The following SAXO1 variants were observed in gnomAD, a reference collection of about 807,000 sequenced individuals.
SAXO1 encodes the protein stabilizer of axonemal microtubules 1, also known as 4930500O09Rik.
A neutral mutation model predicts 17.5 loss-of-function variants in SAXO1; 21 were observed. The observed-to-expected ratio is 1.20, with a 90% CI of 0.85 to 1.72. The LOEUF (loss-of-function observed/expected upper bound fraction) is 1.72, where lower values mean the gene tolerates loss of function less well. Among genes scored for constraint, SAXO1 ranks in the 40% most tolerant of loss-of-function variants. The probability of loss-of-function intolerance (pLI) is 0.00; values close to 1 mark genes in which losing one functional copy is unlikely to be tolerated. For missense variants in SAXO1, 843 were observed against 596.0 expected (o/e 1.41, Z -4.32); for synonymous variants, 274 against 216.5 (o/e 1.27, Z -2.33).
intron 1 of SAXO1, among the ~76,000 whole-genome samples, chr9:19,048,041 T>C (rs116019603): frequency 0.011 from 1,612 of 152,338 alleles, 27 homozygotes; most frequent in African/African-American, 0.037. Flanking sequence ...CACTCTATGA[T>C]TTCCATAAAC....
intron 1 of SAXO1, among the ~76,000 whole-genome samples, chr9:18,954,605 G>A (rs1377334906): frequency 6.6e-6 from 1 of 152,142 alleles, no homozygotes; most frequent in South Asian, 2.1e-4. Context: ...GCAAAGTGCT[G>A]AGATCACAGG....
intron 1 of SAXO1, among the ~76,000 whole-genome samples, chr9:18,958,706 G>A (rs963953135): frequency 5.9e-5 from 9 of 152,060 alleles, no homozygotes; most frequent in African/African-American, 1.9e-4. Context: ...GGTTAGGATG[G>A]GGGTGGGGTG....
At chr9:19,010,806 C>T (rs1041366549) in intron 1 of SAXO1, among the ~76,000 whole-genome samples, 5 of 152,092 alleles carry the variant, frequency 3.3e-5, no homozygotes, top group African/African-American at 1.2e-4. Context: ...GGAGGGGAAA[C>T]CTTTCCTTTC....
intron 2 of SAXO1, among the ~76,000 whole-genome samples, chr9:18,943,857 T>C (rs1327703166): frequency 6.6e-6 from 1 of 152,234 alleles, no homozygotes; most frequent in Non-Finnish European, 1.5e-5. Flanking sequence ...GTTGTGAGGC[T>C]GCCACTCTCA....
At position 18,950,753 on chromosome 9, in the gene SAXO1, C is replaced by T. The variant is rs774979234; in HGVS notation, c.218+5G>A. 4.3e-6 allele frequency: 7 copies of T among 1,611,426 alleles called. No homozygotes were observed. In the Admixed American group the frequency reaches 1.0e-4, roughly 23 times the overall value. ...CCTGCATACATTAATACTGTTTGCC[C>T]TCACCTTGATGTAGTCAGGCCTTCC... On this transcript the variant is annotated splice_donor_5th_base_variant and intron_variant, in intron 2 of 3. Transcript: ENST00000380534.
intron 3 of SAXO1, among the ~76,000 whole-genome samples, chr9:18,936,868 T>G (rs1232614891): frequency 6.6e-6 from 1 of 152,232 alleles, no homozygotes; most frequent in Admixed American, 6.5e-5. Context: ...CTAAAGCATA[T>G]TTTATTGGTG....
At chr9:18,940,615 G>A (rs545758316) in intron 3 of SAXO1, among the ~76,000 whole-genome samples, 21 of 152,298 alleles carry the variant, frequency 1.4e-4, no homozygotes, top group East Asian at 1.4e-3. Context: ...TTAGAGGTCC[G>A]TGAACTGTTC....
chr9:19,013,103 T>C (rs556904315), intron 1 of SAXO1, among the ~76,000 whole-genome samples: 2 of 152,050 alleles, frequency 1.3e-5, no homozygotes, highest in East Asian at 3.9e-4. Context: ...AAACTGGCCT[T>C]CCAGATAGAT....
At chr9:18,993,785 A>T (rs1227491970) in intron 1 of SAXO1, among the ~76,000 whole-genome samples, 1 of 152,172 alleles carries the variant, frequency 6.6e-6, no homozygotes, top group Non-Finnish European at 1.5e-5. Context: ...ATATTACCAT[A>T]TTCAATCCTT....
At chr9:18,980,982 G>A (rs141732373) in intron 1 of SAXO1, among the ~76,000 whole-genome samples, 34 of 152,256 alleles carry the variant, frequency 2.2e-4, no homozygotes, top group African/African-American at 7.5e-4. Context: ...TAAGTGCTAA[G>A]GAATAAATTG....
rs376990874 is a variant in SAXO1, at chr9:19,012,659, G to A, written c.38+20212C>T. Among the ~76,000 whole-genome samples, 10 of 152,310 alleles carry A rather than the reference G, an allele frequency of 6.6e-5. No individual in the cohort carries two copies. The East Asian group carries it at 1.3e-3, about 21-fold the overall frequency. ...GAAGGATACATCAGAACGTGCAAAT[G>A]GCAGCAGTCCCCTTGCTTAGAACTC... On this transcript the variant is annotated intron_variant, in intron 1 of 3. Coordinates refer to ENST00000380534, the MANE Select transcript of SAXO1 (RefSeq NM_153707.4).
rs924271992 is a variant in SAXO1, at chr9:19,033,020, T to A, written c.-112A>T. 1.6e-5 allele frequency: 18 copies of A among 1,143,112 alleles called. No individual in the cohort carries two copies. The East Asian group carries it at 4.5e-4, about 29-fold the overall frequency. 70.8% of individuals were successfully genotyped at this position (1,143,112 alleles called of 1,614,324 possible). On this transcript the variant is annotated 5_prime_UTR_variant, in exon 1 of 4. Transcript: ENST00000380534. ...GCCCAGGCTCGAGGGTCTTGGCAGG[T>A]GTTCTGTTTACTCGAAGGAAAATTT... is the stretch of plus-strand genomic sequence containing the variant.
intron 1 of SAXO1, among the ~76,000 whole-genome samples, chr9:19,028,888 C>T (rs1454402230): frequency 6.6e-6 from 1 of 152,208 alleles, no homozygotes; most frequent in Non-Finnish European, 1.5e-5. Flanking sequence ...TTCCTGAGCT[C>T]TGCTGGACCC....
chr9:18,983,028 A>T (rs571081000), intron 1 of SAXO1, among the ~76,000 whole-genome samples: 1 of 152,334 alleles, frequency 6.6e-6, no homozygotes, highest in South Asian at 2.1e-4. Flanking sequence ...GCTTGGGCTA[A>T]GTAGAGTTAG....
chr9:18,954,086 G>A (rs1253261928), intron 1 of SAXO1, among the ~76,000 whole-genome samples: 1 of 152,156 alleles, frequency 6.6e-6, no homozygotes, highest in Non-Finnish European at 1.5e-5. Flanking sequence ...GACATACCCA[G>A]ATGGATCCAT....
At chr9:19,028,996 G>T (rs1835639485) in intron 1 of SAXO1, among the ~76,000 whole-genome samples, 1 of 152,208 alleles carries the variant, frequency 6.6e-6, no homozygotes, top group Non-Finnish European at 1.5e-5. Context: ...CATTCAGGCT[G>T]ATTTGGTTTA....
At chr9:19,046,631 G>A (rs918466161) in intron 1 of SAXO1, among the ~76,000 whole-genome samples, 17 of 152,214 alleles carry the variant, frequency 1.1e-4, no homozygotes, top group African/African-American at 3.9e-4. Context: ...GAACCCGGCA[G>A]GCAGAGGTTG....
intron 1 of SAXO1, chr9:19,027,951 A>T: frequency 6.8e-7 from 1 of 1,461,090 alleles, no homozygotes; most frequent in Non-Finnish European, 9.6e-7. Flanking sequence ...TCCTGACGTG[A>T]ACTGCGAGGG....
chr9:18,928,715 G>C lies in SAXO1; in HGVS notation c.762C>G (p.Ser254Arg), dbSNP rs1563921754. 1.2e-6 allele frequency: 2 copies of C among 1,614,174 alleles called. No homozygotes were observed. Among genetic ancestry groups the C allele is most frequent in the Admixed American group, 1.7e-5 (1 of 60,028 alleles). Residue 254 changes from serine (S) to arginine (R), a missense_variant, in exon 4 of 4, where the codon AGC (serine) becomes AGG (arginine). Physicochemically the swap from Ser to Arg is moderately radical, Grantham distance 110. Coordinates refer to ENST00000380534, the MANE Select transcript of SAXO1 (RefSeq NM_153707.4). ...YRGLMGEPAK[S>R]LKPLARPPGL... The stretch of plus-strand genomic sequence containing the variant: ...CAGGAGGCCTGGCTAGAGGTTTCAA[G>C]CTCTTGGCAGGCTCCCCCATCAGGC...
Sources: gnomAD v4.1 joint callset for allele counts (sites outside exome capture counted in the v4.1 genomes callset) on GRCh38, gnomAD v4.1.1 for gene constraint, MANE v1.5 for transcripts, NCBI Gene and HGNC (gene_info 2026-07-23, HGNC 2026-07-21) for gene names.